Variants in RAB38 observed in about 807,000 individuals in gnomAD.
RAB38 encodes RAB38, member RAS oncogene family.
Under a neutral mutation model 18.4 loss-of-function variants are expected in RAB38, and 15 were observed. The observed-to-expected ratio is 0.82, with a 90% CI of 0.55 to 1.26. The LOEUF is 1.26. RAB38 is among the 50% of genes most tolerant of loss of function. The probability of loss-of-function intolerance (pLI) is 0.00; values close to 1 mark genes in which losing one functional copy is unlikely to be tolerated. For missense variants in RAB38, 294 were observed against 267.4 expected (o/e 1.10, Z -0.69); for synonymous variants, 101 against 104.4 (o/e 0.97, Z 0.20).
At chr11:87,905,475 T>G in the RAB38 span, among the ~76,000 whole-genome samples, 1,163 of 152,016 alleles carry the variant, frequency 7.7e-3, 15 homozygotes, top group African/African-American at 0.025. Context: ...TTAAAGAAGA[T>G]TGGATTTGAT....
the RAB38 span, among the ~76,000 whole-genome samples, chr11:87,945,194 T>G: frequency 6.6e-6 from 1 of 152,194 alleles, no homozygotes; most frequent in African/African-American, 2.4e-5. Flanking sequence ...ACTTTCTGAT[T>G]TTGTATTGTA....
At chr11:88,153,861 C>T (rs1943092986) in intron 1 of RAB38, among the ~76,000 whole-genome samples, 1 of 152,178 alleles carries the variant, frequency 6.6e-6, no homozygotes, top group Non-Finnish European at 1.5e-5. Flanking sequence ...TAGCATGCCT[C>T]AGCCACATGG....
the RAB38 span, among the ~76,000 whole-genome samples, chr11:88,034,382 G>A: frequency 6.6e-6 from 1 of 152,234 alleles, no homozygotes; most frequent in Non-Finnish European, 1.5e-5. Flanking sequence ...GAACACAAAT[G>A]CTGGGTTTAC....
rs951552133 is a variant in RAB38 at position 88,175,322 on chromosome 11, C to T, written c.63G>A (p.Gly21=). 3 of 1,614,218 alleles carry T rather than the reference C, an allele frequency of 1.9e-6. No individual in the cohort carries two copies. Among genetic ancestry groups the T allele is most frequent in the African/African-American group, 2.7e-5 (2 of 75,076 alleles). The change falls in exon 1 of 3, where the codon GGG becomes GGA. Residue 21 remains glycine, a synonymous_variant. Coordinates refer to ENST00000243662, the MANE Select transcript of RAB38 (RefSeq NM_022337.3). The part of the protein sequence containing the change: ...KLLVIGDLGV[G]KTSIIKRYVH... ...CGTAGCGCTTGATGATACTGGTCTT[C>T]CCCACGCCCAGGTCGCCAATCACCA...
At chr11:87,873,944 A>ATATATATT in the RAB38 span, among the ~76,000 whole-genome samples, 1 of 143,720 alleles carries the variant, frequency 7.0e-6, no homozygotes, top group Non-Finnish European at 1.5e-5. Context: ...ATATATATAT[A>ATATATATT]TATATACTCT....
chr11:88,152,756 T>G (rs1943078915), intron 1 of RAB38, among the ~76,000 whole-genome samples: 13 of 152,216 alleles, frequency 8.5e-5, no homozygotes, highest in Admixed American at 3.3e-4. Context: ...TAAATTTACT[T>G]TTTAAAAAAA....
the RAB38 span, among the ~76,000 whole-genome samples, chr11:87,898,200 A>G: frequency 6.6e-6 from 1 of 151,654 alleles, no homozygotes; most frequent in African/African-American, 2.4e-5. Flanking sequence ...GAAAGTCATT[A>G]TTAGGCAGCA....
the RAB38 span, among the ~76,000 whole-genome samples, chr11:88,016,374 A>T: frequency 1.3e-5 from 2 of 152,162 alleles, no homozygotes; most frequent in African/African-American, 2.4e-5. Context: ...GTAAGTCAGA[A>T]TATCTGCCTA....
the RAB38 span, among the ~76,000 whole-genome samples, chr11:87,976,899 T>C: frequency 7.3e-4 from 23 of 31,662 alleles, 11 homozygotes; most frequent in African/African-American, 2.3e-3. Context: ...ATATTATATG[T>C]TATATAATGT....
At chr11:88,004,555 T>C in the RAB38 span, among the ~76,000 whole-genome samples, 2 of 151,318 alleles carry the variant, frequency 1.3e-5, no homozygotes, top group African/African-American at 2.4e-5. Context: ...GATCAAACGC[T>C]ATCCATCTAT....
the RAB38 span, among the ~76,000 whole-genome samples, chr11:88,015,455 G>A: frequency 6.6e-6 from 1 of 152,060 alleles, no homozygotes; most frequent in African/African-American, 2.4e-5. Context: ...TTTGCTATAA[G>A]GATTGAATGA....
chr11:88,037,688 A>T, the RAB38 span, among the ~76,000 whole-genome samples: 2 of 152,154 alleles, frequency 1.3e-5, no homozygotes, highest in African/African-American at 4.8e-5. Flanking sequence ...ATGATACAGT[A>T]TGGGTCTTTT....
the RAB38 span, among the ~76,000 whole-genome samples, chr11:88,033,077 G>C: frequency 6.6e-6 from 1 of 152,072 alleles, no homozygotes; most frequent in Non-Finnish European, 1.5e-5. Context: ...GTCCTTTGTA[G>C]GGACATCGAT....
the RAB38 span, among the ~76,000 whole-genome samples, chr11:87,952,302 A>G: frequency 4.6e-5 from 7 of 152,212 alleles, no homozygotes; most frequent in African/African-American, 1.7e-4. Flanking sequence ...GGTGGGCCTC[A>G]ATGACCTCAA....
the RAB38 span, among the ~76,000 whole-genome samples, chr11:88,008,543 T>G: frequency 6.6e-6 from 1 of 152,172 alleles, no homozygotes; most frequent in African/African-American, 2.4e-5. Context: ...CTCCAGGTGA[T>G]TCTAATGCAT....
chr11:88,088,421 G>T, the RAB38 span, among the ~76,000 whole-genome samples: 3 of 151,796 alleles, frequency 2.0e-5, no homozygotes, highest in Admixed American at 1.3e-4. Flanking sequence ...AGCAGTAGGG[G>T]TACTTAACAA....
chr11:87,977,367 A>G, the RAB38 span, among the ~76,000 whole-genome samples: 1 of 116,422 alleles, frequency 8.6e-6, no homozygotes, highest in Non-Finnish European at 1.6e-5. Flanking sequence ...AGTATATTAT[A>G]AAATTATATT....
chr11:87,914,683 C>A, the RAB38 span, among the ~76,000 whole-genome samples: 1 of 152,126 alleles, frequency 6.6e-6, no homozygotes, highest in Non-Finnish European at 1.5e-5. Context: ...GAGAAAAAGG[C>A]CCTGACACCA....
the RAB38 span, among the ~76,000 whole-genome samples, chr11:87,825,465 C>A: frequency 6.6e-6 from 1 of 152,106 alleles, no homozygotes; most frequent in African/African-American, 2.4e-5. Context: ...CTTCACTTGG[C>A]TGTCCCTTTA....
Sources: gnomAD v4.1 joint callset for allele counts (sites outside exome capture counted in the v4.1 genomes callset) on GRCh38, gnomAD v4.1.1 for gene constraint, MANE v1.5 for transcripts, NCBI Gene and HGNC (gene_info 2026-07-23, HGNC 2026-07-21) for gene names.